CHN1: variants seen among roughly 807,000 people sequenced by gnomAD.
CHN1 encodes N-chimaerin.
In CHN1, 37 loss-of-function variants were observed where a neutral mutation model predicts 59.5. That is an observed-to-expected ratio of 0.62 (90% CI 0.48 to 0.82). The LOEUF (loss-of-function observed/expected upper bound fraction) is 0.82, where lower values mean the gene tolerates loss of function less well. Ranked by LOEUF, CHN1 falls within the 40% of genes least tolerant of loss-of-function variation. The probability of loss-of-function intolerance (pLI) is 0.00; values close to 1 mark genes in which losing one functional copy is unlikely to be tolerated. For missense variants in CHN1, 469 were observed against 571.0 expected, an observed-to-expected ratio of 0.82 and a Z score of 1.82; for synonymous variants, 206 against 200.4, an observed-to-expected ratio of 1.03 and a Z score of -0.24.
In CHN1 at chr2:174,987,403, T is replaced by TTTC. The variant is rs1230692762; in HGVS notation, c.19+17488_19+17490dup. Among the ~76,000 whole-genome samples, 60 of 150,698 alleles carry TTTC rather than the reference T, an allele frequency of 4.0e-4. No homozygotes were observed. The South Asian group carries it at 0.013, about 31-fold the overall frequency. On this transcript the variant is annotated intron_variant, in intron 1 of 12. Transcript: ENST00000409900. The stretch of plus-strand genomic sequence containing the variant: ...CGGCCTCTTGGTCATAATACTCTTT[T>TTTC]TTCTTTTTTTTTTTTTTTATTTGAG...
chr2:174,859,721 CCTT>C (rs1283520528), intron 6 of CHN1, among the ~76,000 whole-genome samples: 1 of 152,116 alleles, frequency 6.6e-6, no homozygotes, highest in Non-Finnish European at 1.5e-5. Context: ...GGAAACCAGG[CCTT>C]CTGACTTCCC....
rs1463675785 is a variant in CHN1 at position 174,964,111 on chromosome 2, G to A, written c.20-11909C>T. 2.6e-5 allele frequency among the ~76,000 whole-genome samples: 4 copies of A among 152,186 alleles called. No individual in the cohort carries two copies. In the East Asian group the frequency reaches 5.8e-4, roughly 22 times the overall value. ...TGTATGTGCATGTGTACACAGCAGG[G>A]AGAGAGAGGATGAAAGAACTAGAAA... On this transcript the variant is annotated intron_variant, in intron 1 of 12. Coordinates refer to ENST00000409900, the MANE Select transcript of CHN1 (RefSeq NM_001822.7).
chr2:174,899,445 G>A (rs1688320205), intron 5 of CHN1, among the ~76,000 whole-genome samples: 1 of 152,198 alleles, frequency 6.6e-6, no homozygotes, highest in Admixed American at 6.5e-5. Flanking sequence ...AGCAGTAACA[G>A]ACAGGGGTTG....
At chr2:174,935,429 A>G (rs891500580) in intron 3 of CHN1, among the ~76,000 whole-genome samples, 4 of 152,360 alleles carry the variant, frequency 2.6e-5, no homozygotes, top group Non-Finnish European at 4.4e-5. Flanking sequence ...TGTAAGCCAT[A>G]TTATAAGAAC....
At chr2:174,984,989 T>C (rs1413900606) in intron 1 of CHN1, among the ~76,000 whole-genome samples, 1 of 152,222 alleles carries the variant, frequency 6.6e-6, no homozygotes, top group Non-Finnish European at 1.5e-5. Context: ...AGCTTATATT[T>C]AGATTTTTGC....
chr2:174,929,154 C>T (rs1689257962), intron 3 of CHN1, among the ~76,000 whole-genome samples: 2 of 152,216 alleles, frequency 1.3e-5, no homozygotes, highest in Admixed American at 1.3e-4. Flanking sequence ...CATTGTTTTA[C>T]ATTTTCCCAA....
Position 174,952,364 on chromosome 2 carries a change from T to A in CHN1, c.20-162A>T, listed in dbSNP as rs536162410. On this transcript the variant is annotated intron_variant, in intron 1 of 12. Coordinates refer to ENST00000409900, the MANE Select transcript of CHN1 (RefSeq NM_001822.7). ...AAGGGTTTTTTTTTAGTCTTGGTCCTTACTTAGTTGGAGTAATTTTACAAA... is the reference window on the plus strand; with the variant it reads ...AAGGGTTTTTTTTTAGTCTTGGTCCATACTTAGTTGGAGTAATTTTACAAA... Among the ~76,000 whole-genome samples the A allele has an allele frequency of 2.0e-5, 3 of 152,304 alleles. 1 individual carries two copies. In the South Asian group the frequency reaches 6.2e-4, roughly 32 times the overall value.
At chr2:174,962,956 G>A (rs977152234) in intron 1 of CHN1, among the ~76,000 whole-genome samples, 2 of 152,200 alleles carry the variant, frequency 1.3e-5, no homozygotes, top group Admixed American at 1.3e-4. Flanking sequence ...ATCATGATAT[G>A]TACGACTATT....
chr2:174,935,604 A>G (rs1014961688), intron 3 of CHN1, among the ~76,000 whole-genome samples: 2 of 152,114 alleles, frequency 1.3e-5, no homozygotes, highest in Admixed American at 1.3e-4. Context: ...TCCTACTTCT[A>G]TAAGTAGGTC....
chr2:174,985,209 G>A lies in CHN1; in HGVS notation c.19+19685C>T, dbSNP rs555416059. Among the ~76,000 whole-genome samples the A allele has an allele frequency of 1.3e-4, 20 of 152,206 alleles. No homozygotes were observed. The East Asian group carries it at 1.7e-3, about 13-fold the overall frequency. On this transcript the variant is annotated intron_variant, in intron 1 of 12. Transcript: ENST00000409900. The stretch of plus-strand genomic sequence containing the variant: ...CTCTTTCCATTGAAATTATTGACAA[G>A]ATTTCAGAAAGCAATAAACAATATA...
At position 174,961,523 on chromosome 2, in the gene CHN1, G is replaced by A. The variant is rs182948665; in HGVS notation, c.20-9321C>T. On this transcript the variant is annotated intron_variant, in intron 1 of 12. Transcript: ENST00000409900. Reference sequence around the variant, plus strand: ...GGAGAATCGCTTGAACCCGGGAGGCGGAGGTTGCAGTGAGGTGAGATTGCG... The same window carrying A: ...GGAGAATCGCTTGAACCCGGGAGGCAGAGGTTGCAGTGAGGTGAGATTGCG... Among the ~76,000 whole-genome samples the A allele has an allele frequency of 3.8e-3, 572 of 151,818 alleles. 3 individuals are homozygous for A. Among genetic ancestry groups the A allele is most frequent in the African/African-American group, 0.013 (542 of 41,376 alleles).
chr2:174,882,181 T>C (rs1284026642), intron 5 of CHN1, among the ~76,000 whole-genome samples: 2 of 152,230 alleles, frequency 1.3e-5, no homozygotes, highest in Non-Finnish European at 2.9e-5. Context: ...TGAAAATTCA[T>C]TTTCTCCAGA....
chr2:174,877,379 C>T (rs1206481417), intron 6 of CHN1, among the ~76,000 whole-genome samples: 2 of 152,006 alleles, frequency 1.3e-5, no homozygotes, highest in Admixed American at 1.3e-4. Context: ...TGTGTGTATA[C>T]ATACACACAC....
At chr2:174,970,212 T>C (rs1439439371) in intron 1 of CHN1, among the ~76,000 whole-genome samples, 3 of 152,242 alleles carry the variant, frequency 2.0e-5, no homozygotes, top group African/African-American at 7.2e-5. Flanking sequence ...CCATCTGTTG[T>C]TGTATACCAA....
chr2:174,855,318 C>T (rs1686868044), intron 6 of CHN1, among the ~76,000 whole-genome samples: 1 of 152,140 alleles, frequency 6.6e-6, no homozygotes, highest in Non-Finnish European at 1.5e-5. Context: ...AATGTTCTAG[C>T]TGGCAGGACC....
intron 1 of CHN1, among the ~76,000 whole-genome samples, chr2:175,000,328 G>T (rs146936285): frequency 0.01 from 1,540 of 151,570 alleles, 31 homozygotes; most frequent in African/African-American, 0.036. Context: ...TTTTAGTAGA[G>T]ACATGGTTTT....
chr2:174,975,542 C>T (rs1468030470), intron 1 of CHN1, among the ~76,000 whole-genome samples: 2 of 151,934 alleles, frequency 1.3e-5, no homozygotes, highest in African/African-American at 4.8e-5. Flanking sequence ...CATTATCACA[C>T]CCAAGAAATT....
chr2:174,888,401 C>A (rs1687951959), intron 5 of CHN1, among the ~76,000 whole-genome samples: 1 of 152,044 alleles, frequency 6.6e-6, no homozygotes, highest in Admixed American at 6.5e-5. Context: ...ATGACAAGAA[C>A]CATAAGGCGG....
chr2:174,944,923 C>A lies in CHN1; in HGVS notation c.79G>T (p.Ala27Ser). 6.3e-7 allele frequency: 1 copy of A among 1,579,820 alleles called. No individual in the cohort carries two copies. ...CAGGTAATTCTTCGAGGATGAGGGG[C>A]TTCCTGTTGTAGCTGATATACTGTG... ...KSYLYQLQQE[A>S]PHPRRITCTC... Residue 27 changes from alanine (A) to serine (S), a missense_variant, in exon 3 of 13, where the codon GCC (alanine) becomes TCC (serine). Coordinates refer to ENST00000409900, the MANE Select transcript of CHN1 (RefSeq NM_001822.7).
Sources: allele counts gnomAD v4.1 joint callset (sites outside exome capture counted in the v4.1 genomes callset), GRCh38; gene constraint gnomAD v4.1.1; transcripts MANE v1.5; gene names NCBI Gene and HGNC (gene_info 2026-07-23, HGNC 2026-07-21).